Variants in MICAL3 observed in about 807,000 individuals in gnomAD.
MICAL3 encodes [F-actin]-monooxygenase MICAL3.
In MICAL3, 62 loss-of-function variants were observed where a neutral mutation model predicts 207.4. The observed-to-expected ratio is 0.30, with a 90% CI of 0.24 to 0.37. The LOEUF (loss-of-function observed/expected upper bound fraction) is 0.37, where lower values mean the gene tolerates loss of function less well. MICAL3 is among the 10% of genes least tolerant of loss of function. The pLI, the probability that MICAL3 is intolerant of heterozygous loss-of-function variation, is 1.00. For synonymous variants in MICAL3, 1,077 were observed against 1,069.3 expected (o/e 1.01, Z -0.14); for missense variants, 2,368 against 2,635.6 (o/e 0.90, Z 2.22).
chr22:17,893,749 G>T (rs148356311), intron 11 of MICAL3, 59 bp downstream of exon 11: 16,668 of 1,211,922 alleles, frequency 0.014, 200 homozygotes, highest in Middle Eastern at 0.052. Flanking sequence ...CTCAGGGAAT[G>T]AGTATAGACT....
At chr22:17,867,302 GA>G (rs1417530513) in intron 17 of MICAL3, among the ~76,000 whole-genome samples, 1 of 152,238 alleles carries the variant, frequency 6.6e-6, no homozygotes, top group African/African-American at 2.4e-5. Flanking sequence ...GGCAACACCT[GA>G]CAGCCAAAAG....
Position 17,889,026 on chromosome 22 carries a change from G to C in MICAL3, c.1891+8C>G, listed in dbSNP as rs1569117582. ...GGGGGCCGCAAAGCAGCTCCTTCCA[G>C]GCCTTACCGCTAGAGGGGAGGGAGT... On this transcript the variant is annotated splice_region_variant and intron_variant, in intron 13 of 31. Coordinates refer to ENST00000441493, the MANE Select transcript of MICAL3 (RefSeq NM_015241.3). 6.3e-7 allele frequency: 1 copy of C among 1,591,528 alleles called. No homozygotes were observed. The highest frequency in any genetic ancestry group is 8.6e-7 in the Non-Finnish European group (1 of 1,163,112).
chr22:17,802,729 G>A (rs2061952747), intron 29 of MICAL3, among the ~76,000 whole-genome samples: 1 of 152,104 alleles, frequency 6.6e-6, no homozygotes, highest in Non-Finnish European at 1.5e-5. Flanking sequence ...TAAAGGAATG[G>A]GGTCAGGGTA....
Position 17,895,369 on chromosome 22 carries a change from T to G in MICAL3, c.1364A>C (p.Asn455Thr). 6.2e-7 allele frequency: 1 copy of G among 1,613,820 alleles called. No individual in the cohort carries two copies. Among genetic ancestry groups the G allele is most frequent in the Non-Finnish European group, 8.5e-7 (1 of 1,179,806 alleles). Reference sequence around the variant, plus strand: ...GTACTGGCTGAAGTTCTTACTCACATTCTCAGGGGTGGTCTGAGGCAGCAA... The same window carrying G: ...GTACTGGCTGAAGTTCTTACTCACAGTCTCAGGGGTGGTCTGAGGCAGCAA... ...YRLLPQTTPE[N>T]VSKNFSQYSI... The change falls in exon 10 of 32, where the codon AAT becomes ACT. Residue 455 changes from asparagine (N) to threonine (T), a missense_variant. Coordinates refer to ENST00000441493, the MANE Select transcript of MICAL3 (RefSeq NM_015241.3).
intron 1 of MICAL3, chr22:18,020,258 T>G (rs1293043834): frequency 1.3e-5 from 2 of 152,612 alleles, no homozygotes; most frequent in Admixed American, 1.3e-4. Flanking sequence ...AGAAACAAAC[T>G]CCCATCATCC....
At chr22:17,986,430 G>A (rs991722267) in intron 1 of MICAL3, among the ~76,000 whole-genome samples, 3 of 152,090 alleles carry the variant, frequency 2.0e-5, no homozygotes, top group African/African-American at 7.2e-5. Context: ...TAAGGCAGAA[G>A]AATCGCTTAA....
Position 17,793,392 on chromosome 22 carries a change from G to A in MICAL3, c.5651-2091C>T, listed in dbSNP as rs1264750968. Among the ~76,000 whole-genome samples the A allele has an allele frequency of 1.3e-5, 2 of 152,158 alleles. No individual in the cohort carries two copies. Among genetic ancestry groups the A allele is most frequent in the African/African-American group, 2.4e-5 (1 of 41,444 alleles). ...GACTCTCCCATCCAAATCGCTGCAC[G>A]CAGGCGGGAGGCTCCTCACCTGCAT... On this transcript the variant is annotated intron_variant, in intron 29 of 31. Coordinates refer to ENST00000441493, the MANE Select transcript of MICAL3 (RefSeq NM_015241.3). The surrounding 1 kb of genome is among the most constrained non-coding windows in gnomAD (Gnocchi z 4.1).
At chr22:17,825,281 A>G (rs1465183641) in intron 22 of MICAL3, among the ~76,000 whole-genome samples, 1 of 152,230 alleles carries the variant, frequency 6.6e-6, no homozygotes, top group African/African-American at 2.4e-5. Flanking sequence ...AACAGGTGAG[A>G]AATATCAACG....
intron 1 of MICAL3, among the ~76,000 whole-genome samples, chr22:18,010,548 G>T (rs568439733): frequency 1.3e-5 from 2 of 152,272 alleles, no homozygotes; most frequent in East Asian, 1.9e-4. Context: ...TATAGAGGAG[G>T]GGGTATTTGA....
chr22:17,832,942 G>A (rs574965153), intron 20 of MICAL3, among the ~76,000 whole-genome samples: 239 of 152,318 alleles, frequency 1.6e-3, no homozygotes, highest in African/African-American at 3.2e-3. Context: ...GGACAGAGAC[G>A]ATGGGGAAAG....
Position 17,818,735 on chromosome 22 carries a change from C to T in MICAL3, c.3926G>A (p.Gly1309Asp), listed in dbSNP as rs370532223. The change falls in exon 26 of 32, where the codon GGC becomes GAC. Residue 1309 changes from glycine (G) to aspartate (D), a missense_variant. Around this residue, in one of 4 missense-constraint regions of MICAL3, gnomAD observed 1,770 missense variants for 1,863.2 expected, o/e 0.95. Coordinates refer to ENST00000441493, the MANE Select transcript of MICAL3 (RefSeq NM_015241.3). ...GGCCTCATCCACAGCAAGGGGGCTG[C>T]CCAGTCTGTCCTTGGTGTCACTTTG... ...QSQSDTKDRL[G>D]SPLAVDEALR... The T allele has an allele frequency of 3.7e-6, 6 of 1,608,104 alleles. No homozygotes were observed. The African/African-American group carries it at 8.0e-5, about 21-fold the overall frequency.
chr22:17,925,735 G>A (rs574654562), intron 1 of MICAL3, among the ~76,000 whole-genome samples: 1 of 152,232 alleles, frequency 6.6e-6, no homozygotes, highest in East Asian at 1.9e-4. Context: ...ATCTGTCCAT[G>A]TTTTCCCGGC....
intron 28 of MICAL3, among the ~76,000 whole-genome samples, chr22:17,810,344 T>G (rs1027940456): frequency 1.3e-5 from 2 of 152,196 alleles, no homozygotes; most frequent in East Asian, 1.9e-4. Context: ...ATTATAGGCA[T>G]GAGCCACCGC....
chr22:17,966,224 G>C (rs984064252), intron 1 of MICAL3, among the ~76,000 whole-genome samples: 4 of 152,060 alleles, frequency 2.6e-5, no homozygotes, highest in Non-Finnish European at 5.9e-5. Context: ...TGGCCACCCA[G>C]CTTCATCCCA....
intron 19 of MICAL3, 101 bp downstream of exon 19, chr22:17,864,798 T>C (rs1257473252): frequency 5.0e-5 from 81 of 1,613,778 alleles, no homozygotes; most frequent in Non-Finnish European, 6.8e-5. Flanking sequence ...GTTGCCCGAA[T>C]GAAGAAATGT....
At chr22:17,964,889 C>T (rs1384136727) in intron 1 of MICAL3, among the ~76,000 whole-genome samples, 2 of 152,312 alleles carry the variant, frequency 1.3e-5, no homozygotes, top group African/African-American at 4.8e-5. Flanking sequence ...AAGCAGCAGC[C>T]GCATGGCACT....
chr22:17,824,769 G>A (rs1921998213), intron 22 of MICAL3, among the ~76,000 whole-genome samples: 1 of 152,194 alleles, frequency 6.6e-6, no homozygotes, highest in African/African-American at 2.4e-5. Context: ...GGGGGGAAAT[G>A]CCTCAAGTAT....
intron 1 of MICAL3, among the ~76,000 whole-genome samples, chr22:17,943,581 T>G (rs1004281542): frequency 6.6e-6 from 1 of 152,238 alleles, no homozygotes; most frequent in Non-Finnish European, 1.5e-5. Flanking sequence ...TGAGAAGCCC[T>G]CCTTACTCAA....
chr22:17,931,030 G>A (rs1933230881), intron 1 of MICAL3, among the ~76,000 whole-genome samples: 1 of 152,188 alleles, frequency 6.6e-6, no homozygotes, highest in Admixed American at 6.5e-5. Context: ...CGGGTTCCGG[G>A]CATCCCTGTG....
Sources: allele counts gnomAD v4.1 joint callset (sites outside exome capture counted in the v4.1 genomes callset), GRCh38; gene constraint gnomAD v4.1.1; regional missense constraint gnomAD v4.1.1; non-coding constraint Gnocchi (gnomAD v3.1); transcripts MANE v1.5; gene names NCBI Gene and HGNC (gene_info 2026-07-23, HGNC 2026-07-21).